Variants in PDSS1 observed in about 807,000 individuals in gnomAD.
PDSS1 encodes the protein decaprenyl diphosphate synthase subunit 1.
In PDSS1, 43 loss-of-function variants were observed where a neutral mutation model predicts 57.5. That is an observed-to-expected ratio of 0.75 (90% CI 0.59 to 0.96). The LOEUF (loss-of-function observed/expected upper bound fraction) is 0.96, where lower values mean the gene tolerates loss of function less well. Among genes scored for constraint, PDSS1 ranks in the 50% least tolerant of loss-of-function variants. The pLI is 0.00. For synonymous variants in PDSS1, 175 were observed against 191.3 expected, an observed-to-expected ratio of 0.91 and a Z score of 0.70; for missense variants, 438 against 527.8, an observed-to-expected ratio of 0.83 and a Z score of 1.67.
intron 8 of PDSS1, among the ~76,000 whole-genome samples, chr10:26,732,971 T>G (rs936785185): frequency 6.6e-6 from 1 of 152,026 alleles, no homozygotes; most frequent in Non-Finnish European, 1.5e-5. Flanking sequence ...TAGCTGGGCG[T>G]GGTGGCATAC....
chr10:26,728,125 G>A (rs972405207), intron 8 of PDSS1, among the ~76,000 whole-genome samples: 4 of 152,170 alleles, frequency 2.6e-5, no homozygotes, highest in Non-Finnish European at 5.9e-5. Context: ...GAAGGCCGAG[G>A]TGGGCAGATT....
chr10:26,725,505 G>T (rs1303358303), intron 8 of PDSS1, among the ~76,000 whole-genome samples: 4 of 151,770 alleles, frequency 2.6e-5, no homozygotes, highest in Non-Finnish European at 5.9e-5. Context: ...TTATTTCCAA[G>T]AAATTATGTG....
rs77826284 is a variant in PDSS1, at chr10:26,709,708, T to G, written c.407T>G (p.Phe136Cys). 5,575 of 1,613,904 alleles carry G rather than the reference T, an allele frequency of 3.5e-3. 124 individuals carry two copies. The Admixed American group carries it at 0.055, about 16-fold the overall frequency. ...EYYFDGKGKAFRPIIVALMAR... is the reference protein window; with the variant it reads ...EYYFDGKGKACRPIIVALMAR... ...TACTTTGATGGGAAAGGGAAAGCCT[T>G]TCGACCAATTATTGTGGCGCTAATG... Residue 136 changes from phenylalanine (F) to cysteine (C), a missense_variant, in exon 5 of 12, where the codon TTT becomes TGT. Coordinates refer to ENST00000376215, the MANE Select transcript of PDSS1 (RefSeq NM_014317.5).
intron 8 of PDSS1, among the ~76,000 whole-genome samples, chr10:26,728,940 G>A (rs534398382): frequency 1.3e-5 from 2 of 151,682 alleles, no homozygotes; most frequent in East Asian, 1.9e-4. Context: ...CACCATACCC[G>A]GATGACTTTT....
chr10:26,704,649 C>T (rs1835151141), intron 2 of PDSS1, 28 bp from the exon 3 acceptor site: 2 of 939,842 alleles, frequency 2.1e-6, no homozygotes, highest in Non-Finnish European at 1.8e-6. Flanking sequence ...AATATTCTTA[C>T]AAGTTTCTTG....
intron 10 of PDSS1, among the ~76,000 whole-genome samples, chr10:26,739,892 G>A (rs1836526869): frequency 6.6e-6 from 1 of 151,658 alleles, no homozygotes; most frequent in Non-Finnish European, 1.5e-5. Flanking sequence ...ATCCCACTTT[G>A]GGAGGCACTT....
chr10:26,742,231 T>C (rs754450078), intron 10 of PDSS1, among the ~76,000 whole-genome samples: 37 of 152,208 alleles, frequency 2.4e-4, no homozygotes, highest in Non-Finnish European at 7.3e-5. Context: ...CTTAACTCAG[T>C]GTTGGACTAG....
At position 26,746,345 on chromosome 10, in the gene PDSS1, C is replaced by T. The variant is rs747125868; in HGVS notation, c.1120C>T (p.Gln374Ter). The T allele has an allele frequency of 6.2e-7, 1 of 1,613,996 alleles. No individual in the cohort carries two copies. Among genetic ancestry groups the T allele is most frequent in the South Asian group, 1.1e-5 (1 of 91,066 alleles). ...RQYVLQSDGVQQTTYLAQQYC... is the reference protein window; with the variant it reads ...RQYVLQSDGV ...CTGTATCTTATAGAGTGATGGTGTG[C>T]AACAAACAACCTACCTCGCCCAGCA... Residue 374 changes from glutamine (Q) to a stop codon, truncating the protein, a stop_gained, in exon 12 of 12, where the codon CAA (glutamine) becomes TAA (stop). Coordinates refer to ENST00000376215, the MANE Select transcript of PDSS1 (RefSeq NM_014317.5). LOFTEE classifies it high-confidence loss of function.
At chr10:26,741,907 A>G (rs1004481290) in intron 10 of PDSS1, among the ~76,000 whole-genome samples, 1 of 152,028 alleles carries the variant, frequency 6.6e-6, no homozygotes, top group East Asian at 1.9e-4. Context: ...ACGGAGTTTC[A>G]CTCGTTGTCC....
chr10:26,746,550 T>G lies in PDSS1; in HGVS notation c.*77T>G. The G allele has an allele frequency of 6.9e-7, 1 of 1,453,150 alleles. No individual in the cohort carries two copies. Among genetic ancestry groups the G allele is most frequent in the East Asian group, 2.3e-5 (1 of 44,066 alleles). The allele number at this position is 1,453,150 out of a possible 1,614,324, so 90.0% of individuals were successfully genotyped here. A position where few individuals can be genotyped will look rare whatever the true frequency, so the allele number is the denominator to read the frequency against. On this transcript the variant is annotated 3_prime_UTR_variant, in exon 12 of 12. Coordinates refer to ENST00000376215, the MANE Select transcript of PDSS1 (RefSeq NM_014317.5). ...ATTTTGTGGAATACACTTTGTTTGC[T>G]TCATGTGCAGATAACCAAAAATCAT... is the stretch of plus-strand genomic sequence containing the variant.
At chr10:26,704,601 T>A (rs1243796395) in intron 2 of PDSS1, 76 bp from the exon 3 acceptor site, 5 of 766,052 alleles carry the variant, frequency 6.5e-6, no homozygotes, top group Non-Finnish European at 1.2e-5. Context: ...AGATTATAAT[T>A]ATGGGGGTTT....
Position 26,705,273 on chromosome 10 carries a change from T to C in PDSS1, c.228-13T>C. On this transcript the variant is annotated splice_polypyrimidine_tract_variant and intron_variant, in intron 3 of 11. Transcript: ENST00000376215. ...CTTGAAAATGAAGTCATGTGCATTT[T>C]TGCATGTCCCAGGTTTCATCACACA... The C allele has an allele frequency of 1.4e-6, 2 of 1,478,654 alleles. No homozygotes were observed. Among genetic ancestry groups the C allele is most frequent in the Non-Finnish European group, 1.9e-6 (2 of 1,056,902 alleles). 91.6% of individuals were successfully genotyped at this position (1,478,654 alleles called of 1,614,324 possible).
intron 5 of PDSS1, among the ~76,000 whole-genome samples, chr10:26,719,309 A>G (rs991898019): frequency 6.6e-6 from 1 of 152,226 alleles, no homozygotes; most frequent in African/African-American, 2.4e-5. Flanking sequence ...GAACTGTAAA[A>G]TTTATATCTG....
At chr10:26,736,213 C>T (rs928579211) in intron 10 of PDSS1, among the ~76,000 whole-genome samples, 7 of 152,214 alleles carry the variant, frequency 4.6e-5, no homozygotes, top group Admixed American at 2.6e-4. Context: ...GATGTTCCCT[C>T]GACTGACAAA....
intron 11 of PDSS1, among the ~76,000 whole-genome samples, chr10:26,743,945 A>G (rs1343995593): frequency 6.6e-6 from 1 of 152,214 alleles, no homozygotes; most frequent in Non-Finnish European, 1.5e-5. Flanking sequence ...CCAAAAAGAT[A>G]CCACATTCAC....
intron 5 of PDSS1, among the ~76,000 whole-genome samples, chr10:26,713,478 G>A (rs1022385245): frequency 4.6e-5 from 7 of 151,908 alleles, no homozygotes; most frequent in East Asian, 1.9e-4. Context: ...CTAGATTACG[G>A]GGAGTTCTTA....
chr10:26,732,448 A>G (rs147324698), intron 8 of PDSS1, among the ~76,000 whole-genome samples: 187 of 152,310 alleles, frequency 1.2e-3, no homozygotes, highest in African/African-American at 4.3e-3. Flanking sequence ...CTGCAGCTTT[A>G]TGCTTACTTG....
chr10:26,697,987 C>G, intron 1 of PDSS1, 147 bp downstream of exon 1: 1 of 714,278 alleles, frequency 1.4e-6, no homozygotes, highest in Non-Finnish European at 1.9e-6. Flanking sequence ...GGTGGGACTC[C>G]GGAGCTGAGG....
chr10:26,698,769 A>G (rs2489583), intron 1 of PDSS1, among the ~76,000 whole-genome samples: 45,039 of 152,198 alleles, frequency 0.3, 7,159 homozygotes, highest in Middle Eastern at 0.4. Flanking sequence ...CCAGTATGAA[A>G]TATATAACAC....
Sources: gnomAD v4.1 joint callset for allele counts (sites outside exome capture counted in the v4.1 genomes callset) on GRCh38, gnomAD v4.1.1 for gene constraint, MANE v1.5 for transcripts, NCBI Gene and HGNC (gene_info 2026-07-23, HGNC 2026-07-21) for gene names.